The following NXPH1 variants were observed in gnomAD, a reference collection of about 807,000 sequenced individuals.
NXPH1 encodes the protein neurexophilin-1.
Under a neutral mutation model 23.7 loss-of-function variants are expected in NXPH1, and 5 were observed. The ratio of observed to expected loss-of-function variants is 0.21; its 90% CI spans 0.11 to 0.44. NXPH1 has a LOEUF of 0.44. Ranked by LOEUF, NXPH1 falls within the 20% of genes least tolerant of loss-of-function variation. The probability of loss-of-function intolerance (pLI) is 0.99; values close to 1 mark genes in which losing one functional copy is unlikely to be tolerated. For missense variants in NXPH1, 324 were observed against 321.6 expected, an observed-to-expected ratio of 1.01 and a Z score of -0.06; for synonymous variants, 144 against 122.2, an observed-to-expected ratio of 1.18 and a Z score of -1.18.
intron 2 of NXPH1, among the ~76,000 whole-genome samples, chr7:8,472,254 G>A (rs1250253530): frequency 6.6e-6 from 1 of 152,078 alleles, no homozygotes; most frequent in African/African-American, 2.4e-5. Flanking sequence ...TTAAGCCCTT[G>A]GGGATTGTTT....
intron 2 of NXPH1, among the ~76,000 whole-genome samples, chr7:8,575,791 A>T (rs775468605): frequency 3.3e-5 from 5 of 152,026 alleles, no homozygotes; most frequent in Non-Finnish European, 7.4e-5. Flanking sequence ...TACTTGGTCA[A>T]AGTTAGCTAG....
intron 2 of NXPH1, among the ~76,000 whole-genome samples, chr7:8,545,352 G>A (rs1335538564): frequency 6.6e-6 from 1 of 151,302 alleles, no homozygotes. Context: ...AGTAGAAATT[G>A]TAATTATTTA....
intron 2 of NXPH1, among the ~76,000 whole-genome samples, chr7:8,487,449 C>T (rs1485849012): frequency 6.6e-6 from 1 of 152,124 alleles, no homozygotes; most frequent in Non-Finnish European, 1.5e-5. Context: ...GAGGCCTCTC[C>T]AGTGATGTGG....
intron 2 of NXPH1, among the ~76,000 whole-genome samples, chr7:8,438,939 T>C (rs193136878): frequency 6.6e-5 from 10 of 152,306 alleles, no homozygotes; most frequent in South Asian, 2.1e-4. Flanking sequence ...TTCTGAAGCA[T>C]GTTAGCTGGA....
intron 2 of NXPH1, among the ~76,000 whole-genome samples, chr7:8,669,208 G>C (rs1311095527): frequency 6.6e-6 from 1 of 152,206 alleles, no homozygotes; most frequent in Non-Finnish European, 1.5e-5. Flanking sequence ...GGCAGACATG[G>C]AGCATGCGTC....
chr7:8,527,428 C>T (rs1817880563), intron 2 of NXPH1, among the ~76,000 whole-genome samples: 2 of 152,156 alleles, frequency 1.3e-5, no homozygotes, highest in Admixed American at 1.3e-4. Flanking sequence ...CATTTTCCAG[C>T]TGCAACATTT....
At chr7:8,517,172 T>A (rs1817698871) in intron 2 of NXPH1, among the ~76,000 whole-genome samples, 1 of 152,090 alleles carries the variant, frequency 6.6e-6, no homozygotes, top group Non-Finnish European at 1.5e-5. Context: ...TAGTAGTGAC[T>A]CAGCAGTGAG....
chr7:8,519,613 C>A (rs2128615419), intron 2 of NXPH1, among the ~76,000 whole-genome samples: 1 of 152,262 alleles, frequency 6.6e-6, no homozygotes. Context: ...GTTTTCCTAT[C>A]TTCATAAATT....
chr7:8,483,080 A>G (rs1248659920), intron 2 of NXPH1, among the ~76,000 whole-genome samples: 3 of 152,222 alleles, frequency 2.0e-5, no homozygotes, highest in Non-Finnish European at 4.4e-5. Flanking sequence ...AATACATTGC[A>G]AATTCCTGCT....
intron 2 of NXPH1, among the ~76,000 whole-genome samples, chr7:8,743,110 A>G (rs1326094443): frequency 6.6e-6 from 1 of 152,216 alleles, no homozygotes; most frequent in Non-Finnish European, 1.5e-5. Flanking sequence ...CACTAAAATG[A>G]AGTTGTAATC....
At chr7:8,476,901 G>C (rs1462232620) in intron 2 of NXPH1, among the ~76,000 whole-genome samples, 1 of 152,114 alleles carries the variant, frequency 6.6e-6, no homozygotes, top group African/African-American at 2.4e-5. Flanking sequence ...ACTATTCCCA[G>C]AGCTGACTAT....
chr7:8,735,040 G>C (rs1414096888), intron 2 of NXPH1, among the ~76,000 whole-genome samples: 1 of 151,992 alleles, frequency 6.6e-6, no homozygotes, highest in African/African-American at 2.4e-5. Flanking sequence ...GGACATTTTG[G>C]GCTGAGACCA....
At chr7:8,511,058 T>C (rs918820614) in intron 2 of NXPH1, among the ~76,000 whole-genome samples, 1 of 152,124 alleles carries the variant, frequency 6.6e-6, no homozygotes, top group African/African-American at 2.4e-5. Flanking sequence ...AAAAACCTTA[T>C]TTTAAGTAGA....
At chr7:8,496,077 T>C (rs77174636) in intron 2 of NXPH1, among the ~76,000 whole-genome samples, 1 of 151,938 alleles carries the variant, frequency 6.6e-6, no homozygotes, top group African/African-American at 2.4e-5. Context: ...TGAAGTTATA[T>C]CAAATGAGTG....
At chr7:8,582,749 T>G (rs1275761520) in intron 2 of NXPH1, among the ~76,000 whole-genome samples, 4 of 152,144 alleles carry the variant, frequency 2.6e-5, no homozygotes, top group Admixed American at 2.0e-4. Context: ...GAGTAAATTC[T>G]CACTCTGGGT....
intron 2 of NXPH1, among the ~76,000 whole-genome samples, chr7:8,640,865 G>A (rs550731015): frequency 1.3e-5 from 2 of 152,048 alleles, no homozygotes; most frequent in Admixed American, 1.3e-4. Context: ...GGGGCTGTTG[G>A]ATCTCTTGAG....
chr7:8,635,180 G>A (rs1390507676), intron 2 of NXPH1, among the ~76,000 whole-genome samples: 1 of 152,164 alleles, frequency 6.6e-6, no homozygotes, highest in Non-Finnish European at 1.5e-5. Context: ...CTATGTCACC[G>A]AGGTAGAGGT....
Position 8,634,215 on chromosome 7 carries a change from G to A in NXPH1, c.55-116793G>A, listed in dbSNP as rs182089845. Among the ~76,000 whole-genome samples the A allele has an allele frequency of 5.4e-3, 826 of 152,126 alleles. 7 individuals carry two copies. Among genetic ancestry groups the A allele is most frequent in the African/African-American group, 0.018 (757 of 41,488 alleles). ...TGGTACGTAATTGAATCATGGGGGC[G>A]GGTTTTCCCATGCTGTTCTCATGAT... On this transcript the variant is annotated intron_variant, in intron 2 of 2. Coordinates refer to ENST00000405863, the MANE Select transcript of NXPH1 (RefSeq NM_152745.3).
chr7:8,565,163 T>G (rs1693235217), intron 2 of NXPH1, among the ~76,000 whole-genome samples: 1 of 151,786 alleles, frequency 6.6e-6, no homozygotes, highest in African/African-American at 2.4e-5. Flanking sequence ...AGGGTCATTC[T>G]CAGAAACCTG....
Sources: gnomAD v4.1 joint callset for allele counts (sites outside exome capture counted in the v4.1 genomes callset) on GRCh38, gnomAD v4.1.1 for gene constraint, MANE v1.5 for transcripts, NCBI Gene and HGNC (gene_info 2026-07-23, HGNC 2026-07-21) for gene names.